PCDHGA1: variants seen among roughly 807,000 people sequenced by gnomAD.
PCDHGA1 encodes protocadherin gamma subfamily A, 1, also known as protocadherin gamma-A1.
Under a neutral mutation model 58.0 loss-of-function variants are expected in PCDHGA1, and 32 were observed. The ratio of observed to expected loss-of-function variants is 0.55; its 90% confidence interval spans 0.42 to 0.74. The LOEUF (loss-of-function observed/expected upper bound fraction) is 0.74, where lower values mean the gene tolerates loss of function less well. Among genes scored for constraint, PCDHGA1 ranks in the 30% least tolerant of loss-of-function variants. The pLI, the probability that PCDHGA1 is intolerant of heterozygous loss-of-function variation, is 0.00. For missense variants in PCDHGA1, 1,205 were observed against 1,182.3 expected (o/e 1.02, Z -0.28); for synonymous variants, 498 against 501.1 (o/e 0.99, Z 0.08).
At chr5:141,413,922 A>G (rs769177990) in intron 1 of PCDHGA1, 2 of 1,613,458 alleles carry the variant, frequency 1.2e-6, no homozygotes, top group Non-Finnish European at 1.7e-6. Context: ...TCACCTTGCC[A>G]GAATACCGAG....
intron 1 of PCDHGA1, among the ~76,000 whole-genome samples, chr5:141,358,207 T>TA (rs1313276659): frequency 1.3e-5 from 2 of 152,078 alleles, no homozygotes; most frequent in Non-Finnish European, 2.9e-5. Context: ...TAAAATAAAA[T>TA]AAAGTAAAAT....
At chr5:141,348,480 G>C (rs1383228758) in intron 1 of PCDHGA1, among the ~76,000 whole-genome samples, 2 of 152,076 alleles carry the variant, frequency 1.3e-5, no homozygotes, top group Non-Finnish European at 2.9e-5. Context: ...CACTTTCCCT[G>C]TAAGGAGAAA....
At chr5:141,384,969 G>A (rs996601457) in intron 1 of PCDHGA1, 5 of 1,614,014 alleles carry the variant, frequency 3.1e-6, no homozygotes, top group African/African-American at 2.7e-5. Context: ...ATGACCTCAC[G>A]TTGTACCTGG....
chr5:141,427,971 C>T (rs764145525), intron 1 of PCDHGA1: 1 of 1,593,512 alleles, frequency 6.3e-7, no homozygotes, highest in African/African-American at 1.3e-5. Flanking sequence ...GGTGCTGTAC[C>T]CCGCGCTGGG....
At position 141,485,325 on chromosome 5, in the gene PCDHGA1, A is replaced by T; in HGVS notation, c.2422-9482A>T. 6.2e-7 allele frequency: 1 copy of T among 1,614,078 alleles called. No homozygotes were observed. Among genetic ancestry groups the T allele is most frequent in the Non-Finnish European group, 8.5e-7 (1 of 1,180,014 alleles). ...ACTTTTGTAGGGAATGTCGCTCAAG[A>T]TTTCCTGCTGGATACGGACAGTCTG... is the stretch of plus-strand genomic sequence containing the variant. On this transcript the variant is annotated intron_variant, in intron 1 of 3. Coordinates refer to ENST00000517417, the MANE Select transcript of PCDHGA1 (RefSeq NM_018912.3). This position sits in a 1 kb window ranked among gnomAD's most constrained non-coding sequence, Gnocchi z 5.7.
intron 1 of PCDHGA1, chr5:141,423,330 C>G (rs932335651): frequency 9.9e-6 from 16 of 1,614,056 alleles, no homozygotes; most frequent in Middle Eastern, 1.6e-4. Flanking sequence ...TGGCCGCAGT[C>G]TCCTGCATCT....
At chr5:141,452,046 T>C (rs767493861) in intron 1 of PCDHGA1, among the ~76,000 whole-genome samples, 1 of 152,242 alleles carries the variant, frequency 6.6e-6, no homozygotes, top group Non-Finnish European at 1.5e-5. Context: ...TAACTCCATT[T>C]GTAATAACTT....
At chr5:141,355,886 T>A (rs1760030024) in intron 1 of PCDHGA1, 2 of 1,613,424 alleles carry the variant, frequency 1.2e-6, no homozygotes, top group African/African-American at 2.7e-5. Flanking sequence ...GCCAGGATTC[T>A]CATAATACTT....
rs201855847 is a variant in PCDHGA1 at position 141,355,838 on chromosome 5, C to A, written c.2421+22733C>A. 326 of 1,611,996 alleles carry A rather than the reference C, an allele frequency of 2.0e-4. No individual in the cohort carries two copies. The highest frequency in any genetic ancestry group is 3.5e-4 in the Admixed American group (21 of 59,702). On this transcript the variant is annotated intron_variant, in intron 1 of 3. Transcript: ENST00000517417. ...GAGGCGGTTCACCACCTCGTTCTCA[C>A]GGCCTTCGATGGAGGTGACCCGGTT...
At chr5:141,488,565 C>T (rs1308485284) in intron 1 of PCDHGA1, among the ~76,000 whole-genome samples, 1 of 152,174 alleles carries the variant, frequency 6.6e-6, no homozygotes, top group Non-Finnish European at 1.5e-5. Flanking sequence ...GAGATTTCCG[C>T]AAAGCATTGC....
intron 1 of PCDHGA1, chr5:141,339,973 C>A (rs149528645): frequency 6.2e-7 from 1 of 1,613,970 alleles, no homozygotes; most frequent in African/African-American, 1.3e-5. Flanking sequence ...CGAAGGTTAT[C>A]GTCACGGTTC....
At chr5:141,408,780 A>G (rs1304526612) in intron 1 of PCDHGA1, 1 of 1,612,372 alleles carries the variant, frequency 6.2e-7, no homozygotes, top group Non-Finnish European at 8.5e-7. Flanking sequence ...AAATACCCAG[A>G]GTTATCTCTG....
At chr5:141,422,498 C>G in intron 1 of PCDHGA1, 1 of 1,613,966 alleles carries the variant, frequency 6.2e-7, no homozygotes. Context: ...ATAACGTTGA[C>G]AGCCACAGAC....
chr5:141,366,104 G>T (rs1764329842), intron 1 of PCDHGA1: 1 of 1,614,250 alleles, frequency 6.2e-7, no homozygotes, highest in Non-Finnish European at 8.5e-7. Context: ...GACCAAGGTG[G>T]TAGCGGTGGA....
chr5:141,408,673 C>T (rs1397679515), intron 1 of PCDHGA1: 3 of 1,613,854 alleles, frequency 1.9e-6, no homozygotes, highest in Non-Finnish European at 2.5e-6. Flanking sequence ...TTGACCCTGC[C>T]ACGGATCCTG....
rs1431216739 is a variant in PCDHGA1, at chr5:141,334,415, C to T, written c.2421+1310C>T. On this transcript the variant is annotated intron_variant, in intron 1 of 3. Coordinates refer to ENST00000517417, the MANE Select transcript of PCDHGA1 (RefSeq NM_018912.3). This position sits in a 1 kb window ranked among gnomAD's most constrained non-coding sequence, Gnocchi z 4.6. ...CTGAGGCGGAAAGATCCTTGGAGCC[C>T]TGGAGTTCAAGACCAGCCGGACAGG... 2.1e-5 allele frequency: 3 copies of T among 143,096 alleles called. No homozygotes were observed. Among genetic ancestry groups the T allele is most frequent in the Non-Finnish European group, 3.0e-5 (2 of 66,292 alleles). The allele number at this position is 143,096 out of a possible 1,614,324, so 8.9% of individuals were successfully genotyped here.
At chr5:141,451,124 A>T (rs2098707796) in intron 1 of PCDHGA1, among the ~76,000 whole-genome samples, 1 of 152,102 alleles carries the variant, frequency 6.6e-6, no homozygotes, top group Non-Finnish European at 1.5e-5. Context: ...CACCACACCC[A>T]GCCTTATGAT....
At chr5:141,481,441 T>C (rs1397908285) in intron 1 of PCDHGA1, among the ~76,000 whole-genome samples, 1 of 152,250 alleles carries the variant, frequency 6.6e-6, no homozygotes, top group East Asian at 1.9e-4. Context: ...ATCAGTTTAG[T>C]ACATGTAAAT....
chr5:141,400,645 G>T, intron 1 of PCDHGA1: 1 of 1,239,756 alleles, frequency 8.1e-7, no homozygotes, highest in Non-Finnish European at 1.2e-6. Context: ...TGCTCAGAAA[G>T]CTGTCCTACC....
Sources: allele counts gnomAD v4.1 joint callset (sites outside exome capture counted in the v4.1 genomes callset), GRCh38; gene constraint gnomAD v4.1.1; non-coding constraint Gnocchi (gnomAD v3.1); transcripts MANE v1.5; gene names NCBI Gene and HGNC (gene_info 2026-07-23, HGNC 2026-07-21).